The following TLK1 variants were observed in gnomAD, a reference collection of about 807,000 sequenced individuals.
TLK1 encodes the protein serine/threonine-protein kinase tousled-like 1.
In TLK1, 24 loss-of-function variants were observed where a neutral mutation model predicts 105.3. That is an observed-to-expected ratio of 0.23 (90% CI 0.17 to 0.32). The LOEUF is 0.32. TLK1 is among the 10% of genes least tolerant of loss of function. The pLI, the probability that TLK1 is intolerant of heterozygous loss-of-function variation, is 1.00. For synonymous variants in TLK1, 321 were observed against 310.4 expected (o/e 1.03, Z -0.36); for missense variants, 558 against 910.5 (o/e 0.61, Z 4.98).
In TLK1 at chr2:171,016,030, A is replaced by G. The variant is rs762212679; in HGVS notation, c.1237-1082T>C. ...GAAGTGGAAGTTGCAGCAAGCTGAG[A>G]TCGTGCCACTGCACTTCAGCCTGGG... On this transcript the variant is annotated intron_variant, in intron 12 of 20. Coordinates refer to ENST00000431350, the MANE Select transcript of TLK1 (RefSeq NM_012290.5). Among the ~76,000 whole-genome samples the G allele has an allele frequency of 5.3e-4, 81 of 152,032 alleles. 1 individual carries two copies. The highest frequency in any genetic ancestry group is 6.6e-4 in the Non-Finnish European group (45 of 68,020).
At chr2:171,079,059 T>C (rs1178902434) in intron 3 of TLK1, among the ~76,000 whole-genome samples, 1 of 152,228 alleles carries the variant, frequency 6.6e-6, no homozygotes, top group African/African-American at 2.4e-5. Context: ...ACCAGTGGAA[T>C]CACTGAAGCA....
intron 1 of TLK1, among the ~76,000 whole-genome samples, chr2:171,176,904 C>T (rs994287400): frequency 6.6e-6 from 1 of 151,944 alleles, no homozygotes; most frequent in Non-Finnish European, 1.5e-5. Context: ...ACAATCTCGG[C>T]TCACTGCAAC....
At chr2:171,192,787 A>G (rs1693180575) in intron 1 of TLK1, among the ~76,000 whole-genome samples, 3 of 152,252 alleles carry the variant, frequency 2.0e-5, no homozygotes, top group Admixed American at 2.0e-4. Flanking sequence ...AGATAGTTTA[A>G]GAGTTGTGGC....
chr2:171,055,676 ACT>A (rs1316207723), intron 6 of TLK1, among the ~76,000 whole-genome samples: 3 of 151,832 alleles, frequency 2.0e-5, no homozygotes, highest in African/African-American at 7.3e-5. Flanking sequence ...TATCACTACA[ACT>A]CTTAGTTACT....
intron 1 of TLK1, among the ~76,000 whole-genome samples, chr2:171,141,846 T>C (rs1431773387): frequency 6.6e-6 from 1 of 150,704 alleles, no homozygotes; most frequent in Admixed American, 6.6e-5. Context: ...AGAGAGAAAA[T>C]CAACCCAGCT....
chr2:171,019,358 A>C (rs1685366547), intron 12 of TLK1, among the ~76,000 whole-genome samples: 2 of 152,236 alleles, frequency 1.3e-5, no homozygotes, highest in African/African-American at 2.4e-5. Context: ...TTTTAAAAAG[A>C]AAAGAAAATG....
In TLK1 at chr2:171,138,795, C is replaced by A. The variant is rs1041067515; in HGVS notation, c.140-20938G>T. 2.0e-5 allele frequency among the ~76,000 whole-genome samples: 3 copies of A among 152,130 alleles called. No individual in the cohort carries two copies. In the East Asian group the frequency reaches 5.8e-4, roughly 29 times the overall value. Reference sequence around the variant, plus strand: ...ACAAGCCAAACACTTCCTAAAAATACTAAGAGCAGTAATGTTTCCATTAAA... The same window carrying A: ...ACAAGCCAAACACTTCCTAAAAATAATAAGAGCAGTAATGTTTCCATTAAA... On this transcript the variant is annotated intron_variant, in intron 1 of 20. Coordinates refer to ENST00000431350, the MANE Select transcript of TLK1 (RefSeq NM_012290.5).
rs940720377 is a variant in TLK1 at position 171,046,474 on chromosome 2, C to T, written c.981-112G>A. 4.0e-6 allele frequency: 5 copies of T among 1,237,150 alleles called. No homozygotes were observed. In the African/African-American group the frequency reaches 7.6e-5, roughly 19 times the overall value. The allele number at this position is 1,237,150 out of a possible 1,614,324, so 76.6% of individuals were successfully genotyped here. A position where few individuals can be genotyped will look rare whatever the true frequency, so the allele number is the denominator to read the frequency against. ...AAACCATAAAATATACATTCGTAAC[C>T]TTTTGGTTCCACTCTTGTGAACCAA... On this transcript the variant is annotated intron_variant, in intron 10 of 20. Transcript: ENST00000431350.
intron 1 of TLK1, among the ~76,000 whole-genome samples, chr2:171,230,094 T>G (rs1693966844): frequency 6.6e-6 from 1 of 152,228 alleles, no homozygotes; most frequent in African/African-American, 2.4e-5. Context: ...TAATACTTAT[T>G]TCCAGAGGCC....
At chr2:171,089,848 CAAT>C (rs1271739092) in intron 2 of TLK1, among the ~76,000 whole-genome samples, 2 of 152,092 alleles carry the variant, frequency 1.3e-5, no homozygotes, top group African/African-American at 2.4e-5. Context: ...TTAATTTTAT[CAAT>C]AATACCACAA....
chr2:171,211,952 T>C (rs549746540), intron 1 of TLK1, among the ~76,000 whole-genome samples: 3 of 151,908 alleles, frequency 2.0e-5, no homozygotes, highest in Non-Finnish European at 4.4e-5. Flanking sequence ...TTCAAGCGAT[T>C]CTCCTGCCTC....
At chr2:171,090,011 T>C (rs529155586) in intron 2 of TLK1, among the ~76,000 whole-genome samples, 29 of 152,208 alleles carry the variant, frequency 1.9e-4, no homozygotes, top group Non-Finnish European at 2.9e-4. Context: ...GGGATTTTAA[T>C]TGGTATTGCA....
chr2:171,027,215 A>G (rs972161026), intron 12 of TLK1, among the ~76,000 whole-genome samples: 9 of 152,144 alleles, frequency 5.9e-5, no homozygotes, highest in African/African-American at 1.9e-4. Context: ...AACTTCACAG[A>G]TACTATCTCC....
chr2:171,009,028 C>T (rs1684776869), intron 14 of TLK1, among the ~76,000 whole-genome samples: 1 of 152,164 alleles, frequency 6.6e-6, no homozygotes, highest in Non-Finnish European at 1.5e-5. Flanking sequence ...AAGCCTACTT[C>T]ACCCATTAAG....
Position 171,055,162 on chromosome 2 carries a change from T to G in TLK1, c.560A>C (p.Asn187Thr). The change falls in exon 7 of 21, where the codon AAT (asparagine) becomes ACT (threonine). Residue 187 changes from asparagine (N) to threonine (T), a missense_variant. Around this residue, in one of 5 missense-constraint regions of TLK1, gnomAD observed 196 missense variants for 239.3 expected, o/e 0.82. Coordinates refer to ENST00000431350, the MANE Select transcript of TLK1 (RefSeq NM_012290.5). ...TGCTAATGCAGTAGGAGAAGGGCTATTCGGTCGAACCTAAAGAAATTATTA... is the reference window on the plus strand; with the variant it reads ...TGCTAATGCAGTAGGAGAAGGGCTAGTCGGTCGAACCTAAAGAAATTATTA... ...HSTPSSSVRP[N>T]SPSPTALAFG... 1 of 1,476,958 alleles carries G rather than the reference T, an allele frequency of 6.8e-7. No homozygotes were observed. Among genetic ancestry groups the G allele is most frequent in the Non-Finnish European group, 8.9e-7 (1 of 1,121,702 alleles). The allele number at this position is 1,476,958 out of a possible 1,614,324, so 91.5% of individuals were successfully genotyped here. A position where few individuals can be genotyped will look rare whatever the true frequency, so the allele number is the denominator to read the frequency against.
At chr2:170,994,670 C>T (rs770984840) in intron 20 of TLK1, 1 of 517,352 alleles carries the variant, frequency 1.9e-6, no homozygotes, top group Non-Finnish European at 3.9e-6. Flanking sequence ...TCTGAATCCC[C>T]CTCATGCCCA....
intron 1 of TLK1, among the ~76,000 whole-genome samples, chr2:171,131,712 G>A (rs1247133364): frequency 6.6e-6 from 1 of 151,956 alleles, no homozygotes; most frequent in East Asian, 1.9e-4. Flanking sequence ...TGAACGCATG[G>A]TAAAGAAAAA....
chr2:171,081,570 TAGTATA>T (rs1688755470), intron 3 of TLK1: 5 of 1,038,564 alleles, frequency 4.8e-6, no homozygotes, highest in South Asian at 1.6e-5. Flanking sequence ...TTCAAAGGCT[TAGTATA>T]AGTATGTTAA....
chr2:171,095,797 A>T (rs13036123), intron 2 of TLK1, among the ~76,000 whole-genome samples: 58,275 of 149,244 alleles, frequency 0.39, 12,457 homozygotes, highest in African/African-American at 0.56. Context: ...TTCATGATTT[A>T]AAAAAAAAAA....
Sources: gnomAD v4.1 joint callset for allele counts (sites outside exome capture counted in the v4.1 genomes callset) on GRCh38, gnomAD v4.1.1 for gene constraint, gnomAD v4.1.1 regional missense constraint, MANE v1.5 for transcripts, NCBI Gene and HGNC (gene_info 2026-07-23, HGNC 2026-07-21) for gene names.